The following FAM216A variants were observed in gnomAD, a reference collection of about 807,000 sequenced individuals.
FAM216A encodes protein FAM216A.
A neutral mutation model predicts 37.6 loss-of-function variants in FAM216A; 26 were observed. That is an observed-to-expected ratio of 0.69 (90% confidence interval 0.51 to 0.96). The LOEUF (loss-of-function observed/expected upper bound fraction) is 0.96. Among genes scored for constraint, FAM216A ranks in the 40% least tolerant of loss-of-function variants. The pLI, the probability that FAM216A is intolerant of heterozygous loss-of-function variation, is 0.00. For missense variants in FAM216A, 326 were observed against 339.3 expected, an observed-to-expected ratio of 0.96 and a Z score of 0.31; for synonymous variants, 110 against 121.7, an observed-to-expected ratio of 0.90 and a Z score of 0.64.
intron 1 of FAM216A, 41 bp downstream of exon 1, chr12:110,469,059 C>T (rs1446680423): frequency 2.2e-6 from 3 of 1,385,814 alleles, no homozygotes; most frequent in African/African-American, 3.0e-5. Context: ...CAGCATGGGG[C>T]CCCCGGGTCG....
intron 2 of FAM216A, among the ~76,000 whole-genome samples, chr12:110,480,425 G>C (rs949259463): frequency 6.6e-6 from 1 of 151,464 alleles, no homozygotes; most frequent in Non-Finnish European, 1.5e-5. Flanking sequence ...GGATGGTCTC[G>C]ATCTCCTGAC....
intron 2 of FAM216A, among the ~76,000 whole-genome samples, chr12:110,481,100 CTTA>C (rs2062744420): frequency 6.6e-6 from 1 of 152,092 alleles, no homozygotes; most frequent in African/African-American, 2.4e-5. Context: ...TCTGAATTCT[CTTA>C]TTTTTTTAAA....
chr12:110,480,481 G>A (rs2062741211), intron 2 of FAM216A, among the ~76,000 whole-genome samples: 1 of 151,574 alleles, frequency 6.6e-6, no homozygotes, highest in Non-Finnish European at 1.5e-5. Context: ...GGGATTAAAG[G>A]TGTGAGCCAC....
intron 2 of FAM216A, among the ~76,000 whole-genome samples, chr12:110,480,968 A>C (rs1420047304): frequency 1.3e-5 from 2 of 151,750 alleles, no homozygotes; most frequent in African/African-American, 4.8e-5. Context: ...CCATTCTTTC[A>C]CTCCGTATAT....
chr12:110,487,917 G>A lies in FAM216A; in HGVS notation c.677G>A (p.Arg226Lys), dbSNP rs1165676867. The change falls in exon 6 of 7, where the codon AGA becomes AAA. Residue 226 changes from arginine to lysine, a missense_variant. Physicochemically the swap from Arg to Lys is conservative, Grantham distance 26. Transcript: ENST00000377673. ...TGTAAGTCACTGAAGATTTTTAGAAGACCAAGGAAACTGTTCATGCAAACA... is the reference window on the plus strand; with the variant it reads ...TGTAAGTCACTGAAGATTTTTAGAAAACCAAGGAAACTGTTCATGCAAACA... ...TRCKSLKIFR[R>K]PRKLFMQTVS... 1.9e-6 allele frequency: 3 copies of A among 1,605,436 alleles called. No homozygotes were observed. The highest frequency in any genetic ancestry group is 2.6e-6 in the Non-Finnish European group (3 of 1,174,032).
At chr12:110,478,634 T>C (rs908507134) in intron 2 of FAM216A, among the ~76,000 whole-genome samples, 1 of 152,108 alleles carries the variant, frequency 6.6e-6, no homozygotes. Flanking sequence ...ATAGGGACTT[T>C]GGTTTTGTAA....
intron 2 of FAM216A, among the ~76,000 whole-genome samples, chr12:110,478,329 C>T (rs561474012): frequency 2.0e-4 from 30 of 152,256 alleles, no homozygotes; most frequent in Non-Finnish European, 3.7e-4. Flanking sequence ...TGCCATTTCT[C>T]CAAAGAGCCT....
At chr12:110,470,129 C>T (rs1301030142) in intron 1 of FAM216A, among the ~76,000 whole-genome samples, 1 of 150,616 alleles carries the variant, frequency 6.6e-6, no homozygotes, top group African/African-American at 2.4e-5. Flanking sequence ...GACAGAGTCT[C>T]GTTCTGTTGC....
intron 2 of FAM216A, among the ~76,000 whole-genome samples, chr12:110,473,447 G>A (rs2062698048): frequency 6.6e-6 from 1 of 152,110 alleles, no homozygotes. Context: ...CCTGACCTCA[G>A]GTGATCCACC....
chr12:110,468,570 G>A, upstream of FAM216A: 2 of 1,537,220 alleles, frequency 1.3e-6, no homozygotes, highest in Non-Finnish European at 1.7e-6. Context: ...GGTGACCCTC[G>A]CGATTTGCAA....
chr12:110,475,408 A>G (rs528492014), intron 2 of FAM216A, among the ~76,000 whole-genome samples: 2 of 152,052 alleles, frequency 1.3e-5, no homozygotes, highest in East Asian at 3.9e-4. Context: ...TGCCTGGCTG[A>G]TTTTTGTATT....
At chr12:110,485,312 C>G (rs2062771536) in intron 3 of FAM216A, 113 bp downstream of exon 3, 1 of 848,238 alleles carries the variant, frequency 1.2e-6, no homozygotes, top group Admixed American at 2.6e-5. Flanking sequence ...AAGGCATATG[C>G]AGTATAATTG....
rs534346496 is a variant in FAM216A at position 110,476,153 on chromosome 12, A to G, written c.184+3035A>G. Among the ~76,000 whole-genome samples the G allele has an allele frequency of 2.0e-5, 3 of 152,234 alleles. No homozygotes were observed. In the South Asian group the frequency reaches 6.2e-4, roughly 32 times the overall value. ...TTATTATTTCAATAATATCCTTTATAGCCAAAAATAAAAAAAATCCAAGTT... is the reference window on the plus strand; with the variant it reads ...TTATTATTTCAATAATATCCTTTATGGCCAAAAATAAAAAAAATCCAAGTT... On this transcript the variant is annotated intron_variant, in intron 2 of 6. Transcript: ENST00000377673.
At chr12:110,483,597 GC>G (rs1234550188) in intron 2 of FAM216A, among the ~76,000 whole-genome samples, 1 of 151,952 alleles carries the variant, frequency 6.6e-6, no homozygotes, top group African/African-American at 2.4e-5. Flanking sequence ...GCCAACGCAG[GC>G]GGATCACCTG....
intron 1 of FAM216A, chr12:110,469,277 C>T (rs2062664441): frequency 2.5e-6 from 1 of 397,562 alleles, no homozygotes; most frequent in Non-Finnish European, 4.4e-6. Flanking sequence ...GTGACTGCGA[C>T]AGTCGCCCGC....
intron 1 of FAM216A, among the ~76,000 whole-genome samples, chr12:110,469,734 C>A (rs2062670033): frequency 6.6e-6 from 1 of 151,836 alleles, no homozygotes; most frequent in South Asian, 2.1e-4. Context: ...TGTGTCGAAC[C>A]CCTGACCTCA....
rs760007267 is a variant in FAM216A at position 110,487,876 on chromosome 12, T to C, written c.636T>C (p.Tyr212=). The C allele has an allele frequency of 3.1e-6, 5 of 1,600,004 alleles. No individual in the cohort carries two copies. Among genetic ancestry groups the C allele is most frequent in the South Asian group, 1.1e-5 (1 of 90,260 alleles). Residue 212 remains tyrosine, a synonymous_variant, in exon 6 of 7, where the codon TAT becomes TAC. Coordinates refer to ENST00000377673, the MANE Select transcript of FAM216A (RefSeq NM_013300.3). ...TTTCTTATAGGATAAAAACTGGATA[T>C]GCATCTAAAACAAGATGTAAGTCAC... The part of the protein sequence containing the change: ...VRNKEGIKTG[Y]ASKTRCKSLK...
chr12:110,468,640 T>C (rs2062655909), upstream of FAM216A: 1 of 1,537,216 alleles, frequency 6.5e-7, no homozygotes, highest in Non-Finnish European at 8.7e-7. Context: ...GGAGCATGTA[T>C]ATTTCCCTCC....
chr12:110,486,350 A>T lies in FAM216A; in HGVS notation c.332A>T (p.Lys111Met). 6.2e-7 allele frequency: 1 copy of T among 1,613,338 alleles called. No individual in the cohort carries two copies. The highest frequency in any genetic ancestry group is 1.1e-5 in the South Asian group (1 of 91,026). Residue 111 changes from lysine (K) to methionine (M), a missense_variant, in exon 4 of 7, where the codon AAG becomes ATG. Transcript: ENST00000377673. Reference protein sequence around the residue: ...FKHPDLTTGQKRYLCSIAKIY... With the variant: ...FKHPDLTTGQMRYLCSIAKIY... Reference sequence around the variant, plus strand: ...CATCCAGACCTCACCACAGGCCAGAAGCGTTACCTGTGCAGCATTGCTAAA... The same window carrying T: ...CATCCAGACCTCACCACAGGCCAGATGCGTTACCTGTGCAGCATTGCTAAA...
Sources: gnomAD v4.1 joint callset for allele counts (sites outside exome capture counted in the v4.1 genomes callset) on GRCh38, gnomAD v4.1.1 for gene constraint, MANE v1.5 for transcripts, NCBI Gene and HGNC (gene_info 2026-07-23, HGNC 2026-07-21) for gene names.